MIPOL1: variants seen among roughly 807,000 people sequenced by gnomAD.
MIPOL1 encodes mirror-image polydactyly 1.
In MIPOL1, 57 loss-of-function variants were observed where a neutral mutation model predicts 60.9. That is an observed-to-expected ratio of 0.94 (90% CI 0.76 to 1.17). MIPOL1 has a LOEUF of 1.17. Ranked by LOEUF, MIPOL1 falls within the 50% of genes most tolerant of loss-of-function variation. The probability of loss-of-function intolerance (pLI) is 0.00; values close to 1 mark genes in which losing one functional copy is unlikely to be tolerated. For missense variants in MIPOL1, 551 were observed against 511.6 expected, an observed-to-expected ratio of 1.08 and a Z score of -0.74; for synonymous variants, 179 against 168.8, an observed-to-expected ratio of 1.06 and a Z score of -0.47.
At chr14:37,363,768 CCG>C (rs1003898624) in intron 9 of MIPOL1, among the ~76,000 whole-genome samples, 2 of 152,164 alleles carry the variant, frequency 1.3e-5, no homozygotes, top group African/African-American at 2.4e-5. Context: ...GTAGGCCTTC[CCG>C]AGCTGTGGTG....
At chr14:37,460,536 A>G (rs1011174770) in intron 11 of MIPOL1, among the ~76,000 whole-genome samples, 3 of 152,196 alleles carry the variant, frequency 2.0e-5, no homozygotes, top group Admixed American at 2.0e-4. Context: ...AAGAAATAGA[A>G]GGCATCCAAA....
intron 11 of MIPOL1, among the ~76,000 whole-genome samples, chr14:37,470,980 A>C (rs2094681053): frequency 6.6e-6 from 1 of 152,156 alleles, no homozygotes; most frequent in Non-Finnish European, 1.5e-5. Flanking sequence ...TTGAAAATTT[A>C]CCTATTGGTT....
At chr14:37,401,930 A>G (rs2093490334) in intron 10 of MIPOL1, 1 of 152,132 alleles carries the variant, frequency 6.6e-6, no homozygotes, top group South Asian at 2.1e-4. Flanking sequence ...CAAATACACT[A>G]TAGGAGTAGG....
At chr14:37,385,241 A>C (rs1198681754) in intron 10 of MIPOL1, among the ~76,000 whole-genome samples, 1 of 152,082 alleles carries the variant, frequency 6.6e-6, no homozygotes, top group Non-Finnish European at 1.5e-5. Flanking sequence ...TTTTTATCTT[A>C]TGTAATTAAT....
At chr14:37,275,322 G>A (rs1443810783) in intron 6 of MIPOL1, among the ~76,000 whole-genome samples, 2 of 151,044 alleles carry the variant, frequency 1.3e-5, no homozygotes, top group Non-Finnish European at 3.0e-5. Flanking sequence ...CAAATACTAG[G>A]GGATGTTTTA....
chr14:37,424,521 C>T (rs1052505257), intron 11 of MIPOL1, among the ~76,000 whole-genome samples: 9 of 152,120 alleles, frequency 5.9e-5, no homozygotes, highest in African/African-American at 9.7e-5. Flanking sequence ...ATAGCCCAGC[C>T]GACACCTGAT....
At chr14:37,265,864 G>C (rs1054265354) in intron 3 of MIPOL1, among the ~76,000 whole-genome samples, 3 of 152,056 alleles carry the variant, frequency 2.0e-5, no homozygotes, top group African/African-American at 4.8e-5. Context: ...TGCAGAGCAG[G>C]CTCCAAATTT....
intron 9 of MIPOL1, among the ~76,000 whole-genome samples, chr14:37,335,156 C>G (rs1324634209): frequency 6.6e-6 from 1 of 152,082 alleles, no homozygotes; most frequent in African/African-American, 2.4e-5. Flanking sequence ...TATCTACATT[C>G]TCGCTAACAC....
rs569066333 is a variant in MIPOL1, at chr14:37,321,608, G to A, written c.828+13089G>A. ...GTTATTTAGACCAAATAGGTTAATC[G>A]TGTTGTCCAGTTGTTGTGCATAGAT... On this transcript the variant is annotated intron_variant, in intron 9 of 12. Transcript: ENST00000684589. Among the ~76,000 whole-genome samples the A allele has an allele frequency of 9.2e-5, 14 of 152,036 alleles. No individual in the cohort carries two copies. In the East Asian group the frequency reaches 2.5e-3, roughly 27 times the overall value.
chr14:37,236,455 A>T (rs570682645), intron 1 of MIPOL1, among the ~76,000 whole-genome samples: 1 of 151,458 alleles, frequency 6.6e-6, no homozygotes, highest in East Asian at 2.0e-4. Flanking sequence ...TATTATTATT[A>T]TTATTTTTGA....
At chr14:37,368,211 AT>A (rs1473523309) in intron 9 of MIPOL1, among the ~76,000 whole-genome samples, 1 of 152,054 alleles carries the variant, frequency 6.6e-6, no homozygotes, top group Non-Finnish European at 1.5e-5. Context: ...TATTTTATTT[AT>A]TTTTAAGTGT....
At position 37,279,633 on chromosome 14, in the gene MIPOL1, T is replaced by G. The variant is rs551895447; in HGVS notation, c.494-5685T>G. Among the ~76,000 whole-genome samples, 5 of 152,180 alleles carry G rather than the reference T, an allele frequency of 3.3e-5. No individual in the cohort carries two copies. The East Asian group carries it at 9.6e-4, about 29-fold the overall frequency. On this transcript the variant is annotated intron_variant, in intron 6 of 12. Transcript: ENST00000684589. ...AGGGTTTTTTTGTTTTATTTTTAAT[T>G]GACAAATAATAATCGTATATATTAT... is the stretch of plus-strand genomic sequence containing the variant.
intron 11 of MIPOL1, among the ~76,000 whole-genome samples, chr14:37,497,607 G>A (rs1189973292): frequency 6.6e-6 from 1 of 152,204 alleles, no homozygotes; most frequent in Non-Finnish European, 1.5e-5. Context: ...TCAGCAGGCT[G>A]AGGCAGGAGG....
At chr14:37,545,128 G>A (rs1163913058) in intron 12 of MIPOL1, among the ~76,000 whole-genome samples, 1 of 152,162 alleles carries the variant, frequency 6.6e-6, no homozygotes, top group Non-Finnish European at 1.5e-5. Context: ...TAGCCAGTTT[G>A]CAAGTAATAT....
chr14:37,339,537 A>T (rs1311263673), intron 9 of MIPOL1, among the ~76,000 whole-genome samples: 1 of 152,220 alleles, frequency 6.6e-6, no homozygotes, highest in Non-Finnish European at 1.5e-5. Flanking sequence ...ATATTCAACT[A>T]TTGAAAATGA....
chr14:37,384,705 T>G (rs2093019426), intron 10 of MIPOL1, among the ~76,000 whole-genome samples: 1 of 151,992 alleles, frequency 6.6e-6, no homozygotes. Flanking sequence ...TGTTTCTTGA[T>G]GTATATGGTG....
chr14:37,290,298 T>C (rs746076154), intron 7 of MIPOL1, among the ~76,000 whole-genome samples: 12 of 152,238 alleles, frequency 7.9e-5, no homozygotes, highest in Non-Finnish European at 1.6e-4. Flanking sequence ...TGATCTCGGC[T>C]CACCACAACC....
At chr14:37,525,748 T>C (rs2095442383) in intron 12 of MIPOL1, among the ~76,000 whole-genome samples, 1 of 152,204 alleles carries the variant, frequency 6.6e-6, no homozygotes, top group South Asian at 2.1e-4. Context: ...GCAGCAAACT[T>C]ATAAAAGTAC....
At chr14:37,510,050 T>A (rs2095314693) in intron 12 of MIPOL1, among the ~76,000 whole-genome samples, 1 of 151,860 alleles carries the variant, frequency 6.6e-6, no homozygotes, top group Admixed American at 6.6e-5. Context: ...CTATTCATCT[T>A]TGTATAGTCT....
Sources: gnomAD v4.1 joint callset for allele counts (sites outside exome capture counted in the v4.1 genomes callset) on GRCh38, gnomAD v4.1.1 for gene constraint, MANE v1.5 for transcripts, NCBI Gene and HGNC (gene_info 2026-07-23, HGNC 2026-07-21) for gene names.